ARFGEF3: variants seen among roughly 807,000 people sequenced by gnomAD.
ARFGEF3 encodes the protein brefeldin A-inhibited guanine nucleotide-exchange protein 3.
A neutral mutation model predicts 221.7 loss-of-function variants in ARFGEF3; 96 were observed. The ratio of observed to expected loss-of-function variants is 0.43; its 90% CI spans 0.37 to 0.51. ARFGEF3 has a LOEUF of 0.51. Ranked by LOEUF, ARFGEF3 falls within the 20% of genes least tolerant of loss-of-function variation. The pLI is 0.00. For missense variants in ARFGEF3, 2,410 were observed against 2,789.9 expected (o/e 0.86, Z 3.07); for synonymous variants, 1,145 against 1,126.8 (o/e 1.02, Z -0.32).
intron 2 of ARFGEF3, among the ~76,000 whole-genome samples, chr6:138,200,379 C>A (rs1777512137): frequency 6.6e-6 from 1 of 152,032 alleles, no homozygotes; most frequent in Admixed American, 6.6e-5. Flanking sequence ...CAACACTAAG[C>A]AAAAAGAACA....
intron 22 of ARFGEF3, among the ~76,000 whole-genome samples, chr6:138,301,646 A>G (rs1779630750): frequency 6.6e-6 from 1 of 152,238 alleles, no homozygotes; most frequent in Non-Finnish European, 1.5e-5. Context: ...GTCTGTTCAC[A>G]CATCCCTGGA....
At chr6:138,294,196 C>T in intron 20 of ARFGEF3, 70 bp downstream of exon 20, 2 of 1,503,158 alleles carry the variant, frequency 1.3e-6, no homozygotes, top group Non-Finnish European at 1.8e-6. Flanking sequence ...CTATCACCAG[C>T]AGCGTGCCTG....
intron 2 of ARFGEF3, among the ~76,000 whole-genome samples, chr6:138,204,747 G>A (rs1777598471): frequency 6.6e-6 from 1 of 152,210 alleles, no homozygotes; most frequent in Non-Finnish European, 1.5e-5. Flanking sequence ...GACCCACAGA[G>A]TTTAGTATTT....
intron 21 of ARFGEF3, among the ~76,000 whole-genome samples, chr6:138,297,285 A>G (rs1295598600): frequency 1.3e-5 from 2 of 152,202 alleles, no homozygotes; most frequent in Non-Finnish European, 2.9e-5. Flanking sequence ...CTTTATTTTT[A>G]TACATAAATA....
intron 27 of ARFGEF3, among the ~76,000 whole-genome samples, chr6:138,319,085 C>T (rs935978890): frequency 2.6e-5 from 4 of 151,536 alleles, no homozygotes; most frequent in African/African-American, 9.7e-5. Context: ...TCCCAAGTTG[C>T]CGAGGCTACC....
In ARFGEF3 at chr6:138,223,420, T is replaced by C. The variant is rs1412322700; in HGVS notation, c.352-6364T>C. ...TTGAAATGCGCCTGGCATTAAGGTT[T>C]TCACCATACACCAAGAGAGAAAAAT... On this transcript the variant is annotated intron_variant, in intron 4 of 33. Transcript: ENST00000251691. Among the ~76,000 whole-genome samples the C allele has an allele frequency of 2.6e-5, 4 of 152,218 alleles. No homozygotes were observed. The East Asian group carries it at 7.7e-4, about 29-fold the overall frequency.
At chr6:138,192,145 T>C (rs1211230385) in intron 2 of ARFGEF3, among the ~76,000 whole-genome samples, 1 of 152,188 alleles carries the variant, frequency 6.6e-6, no homozygotes, top group Non-Finnish European at 1.5e-5. Flanking sequence ...CTCTGGGTAC[T>C]GAAGACTTCA....
chr6:138,213,154 G>C (rs1325166338), intron 4 of ARFGEF3, among the ~76,000 whole-genome samples: 2 of 151,992 alleles, frequency 1.3e-5, no homozygotes, highest in African/African-American at 4.8e-5. Context: ...CGGGCATGGT[G>C]GCGGGTGCCT....
At chr6:138,245,370 G>T in intron 7 of ARFGEF3, 143 bp from the exon 8 acceptor site, 1 of 638,534 alleles carries the variant, frequency 1.6e-6, no homozygotes. Flanking sequence ...TCATCACTTT[G>T]GTGGCCTAAG....
rs1338483164 is a variant in ARFGEF3, at chr6:138,308,745, G to A, written c.3980G>A (p.Gly1327Asp). 6.2e-7 allele frequency: 1 copy of A among 1,613,948 alleles called. No individual in the cohort carries two copies. Among genetic ancestry groups the A allele is most frequent in the Non-Finnish European group, 8.5e-7 (1 of 1,179,860 alleles). Reference protein sequence around the residue: ...YLVGDYSMGKGQAPVFDVFEA... With the variant: ...YLVGDYSMGKDQAPVFDVFEA... ...TATAATCTTCCTCCCTTAGGAAAAG[G>A]CCAAGCTCCAGTGTTTGATGTATTT... Residue 1327 changes from glycine (G) to aspartate (D), a missense_variant, in exon 24 of 34, where the codon GGC (glycine) becomes GAC (aspartate). Around this residue, in one of 5 missense-constraint regions of ARFGEF3, gnomAD observed 723 missense variants for 991.9 expected, o/e 0.73. Transcript: ENST00000251691.
intron 2 of ARFGEF3, among the ~76,000 whole-genome samples, chr6:138,186,902 C>CTTTT (rs71693484): frequency 5.5e-4 from 42 of 76,048 alleles, no homozygotes; most frequent in African/African-American, 6.4e-4. Flanking sequence ...CATCCTTTTT[C>CTTTT]TTTTTTTTTT....
intron 2 of ARFGEF3, among the ~76,000 whole-genome samples, chr6:138,174,721 G>C (rs1321157723): frequency 1.3e-5 from 2 of 151,968 alleles, no homozygotes; most frequent in South Asian, 2.1e-4. Flanking sequence ...GTTTGTTTTG[G>C]AAAGGGCTAC....
rs150141396 is a variant in ARFGEF3, at chr6:138,267,711, C to A, written c.2128+4100C>A. On this transcript the variant is annotated intron_variant, in intron 12 of 33. Transcript: ENST00000251691. ...AATCAATACTTATTTATAGTACATG[C>A]AAAACAGGGCTTGTGTGAATTTTTT... Among the ~76,000 whole-genome samples the A allele has an allele frequency of 1.5e-4, 23 of 152,282 alleles. No individual in the cohort carries two copies. In the Middle Eastern group the frequency reaches 0.01, roughly 68 times the overall value.
At chr6:138,306,723 G>C (rs1001876175) in intron 22 of ARFGEF3, among the ~76,000 whole-genome samples, 1 of 151,900 alleles carries the variant, frequency 6.6e-6, no homozygotes, top group African/African-American at 2.4e-5. Flanking sequence ...AATTGTGCTT[G>C]AATGTATATG....
At chr6:138,174,354 T>G (rs1240250760) in intron 2 of ARFGEF3, among the ~76,000 whole-genome samples, 1 of 151,894 alleles carries the variant, frequency 6.6e-6, no homozygotes, top group East Asian at 1.9e-4. Context: ...CCCTGTGTTG[T>G]AAATCAGTCC....
In ARFGEF3 at chr6:138,296,425, G is replaced by C. The variant is rs543793680; in HGVS notation, c.3503-385G>C. Among the ~76,000 whole-genome samples the C allele has an allele frequency of 5.3e-5, 8 of 152,244 alleles. No individual in the cohort carries two copies. The South Asian group carries it at 1.2e-3, about 24-fold the overall frequency. Reference sequence around the variant, plus strand: ...TTAGGAGTGGGCAGTATTATCCCCAGGTTTACAGATGAGATCATTAAAGAG... The same window carrying C: ...TTAGGAGTGGGCAGTATTATCCCCACGTTTACAGATGAGATCATTAAAGAG... On this transcript the variant is annotated intron_variant, in intron 20 of 33. Coordinates refer to ENST00000251691, the MANE Select transcript of ARFGEF3 (RefSeq NM_020340.5).
At chr6:138,235,616 TTAAAAA>T (rs1778270650) in intron 5 of ARFGEF3, among the ~76,000 whole-genome samples, 1 of 152,182 alleles carries the variant, frequency 6.6e-6, no homozygotes, top group Non-Finnish European at 1.5e-5. Flanking sequence ...AAGAAAAACA[TTAAAAA>T]TAGTTGGTCT....
chr6:138,208,150 T>C (rs570415791), intron 3 of ARFGEF3, among the ~76,000 whole-genome samples: 1 of 151,876 alleles, frequency 6.6e-6, no homozygotes, highest in African/African-American at 2.4e-5. Flanking sequence ...CTCTCTTTTT[T>C]CTTTAACCCT....
In ARFGEF3 at chr6:138,209,921, G is replaced by T; in HGVS notation, c.231G>T (p.Ser77=). The T allele has an allele frequency of 6.2e-7, 1 of 1,613,656 alleles. No individual in the cohort carries two copies. Among genetic ancestry groups the T allele is most frequent in the Non-Finnish European group, 8.5e-7 (1 of 1,179,688 alleles). Residue 77 remains serine, a synonymous_variant, in exon 4 of 34, where the codon TCG becomes TCT. Coordinates refer to ENST00000251691, the MANE Select transcript of ARFGEF3 (RefSeq NM_020340.5). The part of the protein sequence containing the change: ...HALAGMQKLL[S]EERFVSMETD... ...GTGCCTCTTTACAGAAGCTTCTGTC[G>T]GAAGAGAGGTTTGTATCCATGGAAA...
Sources: allele counts gnomAD v4.1 joint callset (sites outside exome capture counted in the v4.1 genomes callset), GRCh38; gene constraint gnomAD v4.1.1; regional missense constraint gnomAD v4.1.1; transcripts MANE v1.5; gene names NCBI Gene and HGNC (gene_info 2026-07-23, HGNC 2026-07-21).